Variants in NEBL observed in about 807,000 individuals in gnomAD.
The protein encoded by NEBL is LIM and SH3 protein 2.
Under a neutral mutation model 140.2 loss-of-function variants are expected in NEBL, and 122 were observed. That is an observed-to-expected ratio of 0.87 (90% CI 0.75 to 1.01). NEBL has a LOEUF of 1.01. Among genes scored for constraint, NEBL ranks in the 50% least tolerant of loss-of-function variants. The pLI is 0.00. For missense variants in NEBL, 1,365 were observed against 1,231.3 expected, an observed-to-expected ratio of 1.11 and a Z score of -1.62; for synonymous variants, 436 against 398.9, an observed-to-expected ratio of 1.09 and a Z score of -1.11.
intron 3 of NEBL, among the ~76,000 whole-genome samples, chr10:21,230,044 C>T (rs530991677): frequency 9.7e-4 from 147 of 152,322 alleles, no homozygotes; most frequent in African/African-American, 3.2e-3. Context: ...TCAGATAATT[C>T]CATCTCTTGG....
In NEBL at chr10:20,961,854, C is replaced by T. The variant is rs1359772049; in HGVS notation, c.250-75G>A. 8 of 1,117,798 alleles carry T rather than the reference C, an allele frequency of 7.2e-6. No homozygotes were observed. The East Asian group carries it at 1.9e-4, about 26-fold the overall frequency. 69.2% of individuals were successfully genotyped at this position (1,117,798 alleles called of 1,614,324 possible). Reference sequence around the variant, plus strand: ...CTCGGGATAGGCTGGGCCAACGAAGCTGCTGGAATTGGAAACAATGGCTAA... The same window carrying T: ...CTCGGGATAGGCTGGGCCAACGAAGTTGCTGGAATTGGAAACAATGGCTAA... On this transcript the variant is annotated intron_variant, in intron 3 of 6. Coordinates refer to the NEBL transcript ENST00000417816.
chr10:20,817,493 C>G (rs1031097217), intron 21 of NEBL, 107 bp downstream of exon 21: 14 of 958,554 alleles, frequency 1.5e-5, no homozygotes, highest in South Asian at 1.2e-4. Flanking sequence ...CAAATGAGAA[C>G]AGGACATCAG....
At chr10:20,874,904 T>G (rs763403562) in intron 5 of NEBL, among the ~76,000 whole-genome samples, 2 of 151,782 alleles carry the variant, frequency 1.3e-5, no homozygotes, top group Non-Finnish European at 2.9e-5. Context: ...CACACCCAGA[T>G]AGTTTTTGTA....
At chr10:21,170,489 C>G (rs1039499406) in intron 2 of NEBL, 3 of 152,242 alleles carry the variant, frequency 2.0e-5, no homozygotes, top group Non-Finnish European at 4.4e-5. Flanking sequence ...TCTCCTTACG[C>G]CTGCCTTTGA....
At chr10:21,138,460 T>C (rs1839459827) in intron 2 of NEBL, among the ~76,000 whole-genome samples, 1 of 151,904 alleles carries the variant, frequency 6.6e-6, no homozygotes. Context: ...AAGAAATATA[T>C]AATGAATAGA....
intron 9 of NEBL, among the ~76,000 whole-genome samples, chr10:20,854,079 A>G (rs766732386): frequency 4.0e-4 from 61 of 152,194 alleles, no homozygotes; most frequent in Non-Finnish European, 1.5e-4. Flanking sequence ...CATGATTTCT[A>G]TCATTGGAGA....
At chr10:20,797,943 A>T (rs1836719773) in intron 26 of NEBL, among the ~76,000 whole-genome samples, 1 of 151,976 alleles carries the variant, frequency 6.6e-6, no homozygotes, top group Non-Finnish European at 1.5e-5. Flanking sequence ...CCGCAAAAAA[A>T]CAAAAAAATA....
At chr10:21,285,987 C>T (rs560884944) in intron 1 of NEBL, among the ~76,000 whole-genome samples, 7 of 152,300 alleles carry the variant, frequency 4.6e-5, no homozygotes, top group South Asian at 2.1e-4. Flanking sequence ...ACATTCCATG[C>T]GGGGCTCAGA....
intron 2 of NEBL, among the ~76,000 whole-genome samples, chr10:21,157,876 G>A (rs150132407): frequency 5.3e-5 from 8 of 152,246 alleles, no homozygotes; most frequent in African/African-American, 7.2e-5. Context: ...CTTAGAAAAC[G>A]AGATTAGGAC....
intron 26 of NEBL, among the ~76,000 whole-genome samples, chr10:20,790,258 G>C (rs1835836971): frequency 6.6e-6 from 1 of 151,902 alleles, no homozygotes; most frequent in Non-Finnish European, 1.5e-5. Context: ...ATAAAACCTA[G>C]TTATCTACCT....
At chr10:20,866,685 T>C (rs970822803) in intron 7 of NEBL, among the ~76,000 whole-genome samples, 1 of 152,222 alleles carries the variant, frequency 6.6e-6, no homozygotes, top group Non-Finnish European at 1.5e-5. Context: ...ATCTACCTCC[T>C]ACACATGAAC....
chr10:21,161,671 A>G (rs1053815375), intron 2 of NEBL, among the ~76,000 whole-genome samples: 14 of 151,928 alleles, frequency 9.2e-5, no homozygotes, highest in African/African-American at 3.1e-4. Flanking sequence ...AATCTTCCCC[A>G]ACTTCTATTG....
chr10:21,262,488 G>A (rs1842751676), intron 1 of NEBL, among the ~76,000 whole-genome samples: 1 of 152,200 alleles, frequency 6.6e-6, no homozygotes, highest in Admixed American at 6.5e-5. Flanking sequence ...CAGTGCCAGA[G>A]CTGGAAACCC....
chr10:20,920,484 G>A (rs1363924929), intron 4 of NEBL, among the ~76,000 whole-genome samples: 2 of 152,222 alleles, frequency 1.3e-5, no homozygotes, highest in Non-Finnish European at 2.9e-5. Flanking sequence ...TCTGCATACC[G>A]CTAAGGAGTC....
chr10:20,991,307 A>C (rs970114479), intron 3 of NEBL, among the ~76,000 whole-genome samples: 1 of 152,170 alleles, frequency 6.6e-6, no homozygotes, highest in Non-Finnish European at 1.5e-5. Context: ...AATGTTGAAA[A>C]ATTATCTATA....
At chr10:21,249,647 A>G (rs1407210448) in intron 2 of NEBL, among the ~76,000 whole-genome samples, 1 of 150,474 alleles carries the variant, frequency 6.6e-6, no homozygotes, top group Non-Finnish European at 1.5e-5. Context: ...AAATTTATTT[A>G]TTATTTTATT....
At chr10:20,936,719 T>C (rs1407950252) in intron 4 of NEBL, among the ~76,000 whole-genome samples, 2 of 152,248 alleles carry the variant, frequency 1.3e-5, no homozygotes, top group African/African-American at 4.8e-5. Flanking sequence ...CAATTTTCTT[T>C]AGGATTACCA....
intron 4 of NEBL, among the ~76,000 whole-genome samples, chr10:20,940,209 A>G (rs1325626524): frequency 6.6e-6 from 1 of 152,136 alleles, no homozygotes; most frequent in Non-Finnish European, 1.5e-5. Context: ...AGCAAATGTA[A>G]AAGAACAGAA....
At chr10:20,941,248 G>T (rs1311675115) in intron 4 of NEBL, among the ~76,000 whole-genome samples, 1 of 152,102 alleles carries the variant, frequency 6.6e-6, no homozygotes, top group Non-Finnish European at 1.5e-5. Context: ...ATGATCAAGT[G>T]GGCTTCATCC....
Sources: gnomAD v4.1 joint callset for allele counts (sites outside exome capture counted in the v4.1 genomes callset) on GRCh38, gnomAD v4.1.1 for gene constraint, MANE v1.5 for transcripts, NCBI Gene and HGNC (gene_info 2026-07-23, HGNC 2026-07-21) for gene names.